MGMT: variants seen among roughly 807,000 people sequenced by gnomAD.
The protein encoded by MGMT is O-6-methylguanine-DNA methyltransferase.
MGMT carries 14 observed loss-of-function variants against 15.9 expected under a neutral mutation model. That is an observed-to-expected ratio of 0.88 (90% confidence interval 0.58 to 1.37). MGMT has a LOEUF of 1.37. MGMT is among the 40% of genes most tolerant of loss of function. The probability of loss-of-function intolerance (pLI) is 0.00; values close to 1 mark genes in which losing one functional copy is unlikely to be tolerated. For synonymous variants in MGMT, 130 were observed against 118.2 expected, an observed-to-expected ratio of 1.10 and a Z score of -0.65; for missense variants, 282 against 268.1, an observed-to-expected ratio of 1.05 and a Z score of -0.36.
chr10:129,524,215 C>T (rs908016846), intron 1 of MGMT, among the ~76,000 whole-genome samples: 2 of 152,356 alleles, frequency 1.3e-5, no homozygotes, highest in African/African-American at 4.8e-5. Flanking sequence ...TACCTCCCGC[C>T]CTCAAGGACG....
At chr10:129,714,050 G>A (rs1178454118) in intron 3 of MGMT, among the ~76,000 whole-genome samples, 1 of 152,232 alleles carries the variant, frequency 6.6e-6, no homozygotes, top group Non-Finnish European at 1.5e-5. Context: ...GTTGAGAGCT[G>A]CTCCAGGTTG....
intron 3 of MGMT, among the ~76,000 whole-genome samples, chr10:129,721,364 C>G (rs12414065): frequency 0.05 from 7,644 of 152,326 alleles, 282 homozygotes; most frequent in South Asian, 0.16. Context: ...TGCATGGTAT[C>G]CCATTGAGTC....
intron 4 of MGMT, among the ~76,000 whole-genome samples, chr10:129,761,888 A>G (rs1158815082): frequency 6.6e-6 from 1 of 152,200 alleles, no homozygotes; most frequent in African/African-American, 2.4e-5. Flanking sequence ...ACCTGTGGCT[A>G]CGGTACCCAC....
intron 2 of MGMT, among the ~76,000 whole-genome samples, chr10:129,617,264 C>A (rs1847038508): frequency 6.6e-6 from 1 of 152,146 alleles, no homozygotes; most frequent in South Asian, 2.1e-4. Flanking sequence ...TGATCTCATT[C>A]TTTTATTATG....
chr10:129,678,561 G>A (rs966938386), intron 2 of MGMT, among the ~76,000 whole-genome samples: 3 of 152,154 alleles, frequency 2.0e-5, no homozygotes, highest in East Asian at 1.9e-4. Flanking sequence ...CTAAACAAGC[G>A]TCTTCCCTGG....
At chr10:129,729,925 C>T (rs1251610428) in intron 3 of MGMT, among the ~76,000 whole-genome samples, 1 of 152,136 alleles carries the variant, frequency 6.6e-6, no homozygotes, top group East Asian at 1.9e-4. Context: ...GTCAGCATTC[C>T]CTGAAACACA....
At position 129,625,349 on chromosome 10, in the gene MGMT, C is replaced by T. The variant is rs1847134460; in HGVS notation, c.126-82546C>T. On this transcript the variant is annotated intron_variant, in intron 2 of 4. Transcript: ENST00000651593. ...AGGAATAGCAGAAGAGAGAATAATT[C>T]CTAGCTTGTTTCATAAGACCAACAC... 2.0e-5 allele frequency among the ~76,000 whole-genome samples: 3 copies of T among 152,110 alleles called. No homozygotes were observed. In the South Asian group the frequency reaches 6.2e-4, roughly 32 times the overall value.
intron 3 of MGMT, chr10:129,717,686 C>T (rs1240068110): frequency 6.6e-6 from 1 of 152,124 alleles, no homozygotes; most frequent in African/African-American, 2.4e-5. Flanking sequence ...CATCTTAGAC[C>T]CACACATGGC....
chr10:129,547,960 C>T (rs1225070308), intron 2 of MGMT, among the ~76,000 whole-genome samples: 4 of 152,200 alleles, frequency 2.6e-5, no homozygotes, highest in Non-Finnish European at 5.9e-5. Context: ...TGAGGTCTCT[C>T]GTCAGCCGAA....
intron 2 of MGMT, among the ~76,000 whole-genome samples, chr10:129,647,272 G>T (rs1218451125): frequency 2.5e-5 from 2 of 80,162 alleles, no homozygotes; most frequent in Non-Finnish European, 4.9e-5. Context: ...GGGCTGCTGT[G>T]TTCAGCAGTA....
chr10:129,484,806 A>G (rs1589830798), intron 1 of MGMT, among the ~76,000 whole-genome samples: 1 of 152,110 alleles, frequency 6.6e-6, no homozygotes, highest in Non-Finnish European at 1.5e-5. Flanking sequence ...TTTTTTAAAA[A>G]AAGGTTTTGT....
chr10:129,510,764 C>T (rs1035232245), intron 1 of MGMT, among the ~76,000 whole-genome samples: 1 of 151,948 alleles, frequency 6.6e-6, no homozygotes, highest in African/African-American at 2.4e-5. Flanking sequence ...ATGGGAACCC[C>T]AGATACCAGA....
rs559440984 is a variant in MGMT, at chr10:129,659,233, C to T, written c.126-48662C>T. On this transcript the variant is annotated intron_variant, in intron 2 of 4. Coordinates refer to ENST00000651593, the MANE Select transcript of MGMT (RefSeq NM_002412.5). This position sits in a 1 kb window ranked among gnomAD's most constrained non-coding sequence, Gnocchi z 4.1. ...TTACCTGGGCATGGTGGTGCACACCCGTAGTCTCAGCTACTCGGGAGGCTG... is the reference window on the plus strand; with the variant it reads ...TTACCTGGGCATGGTGGTGCACACCTGTAGTCTCAGCTACTCGGGAGGCTG... Among the ~76,000 whole-genome samples the T allele has an allele frequency of 2.6e-5, 4 of 152,038 alleles. No homozygotes were observed. The highest frequency in any genetic ancestry group is 4.2e-4 in the South Asian group (2 of 4,812).
At chr10:129,528,533 T>TGGGTGC (rs1845895283) in intron 1 of MGMT, among the ~76,000 whole-genome samples, 1 of 138,338 alleles carries the variant, frequency 7.2e-6, no homozygotes, top group African/African-American at 2.8e-5. Context: ...AGCGGGGGCG[T>TGGGTGC]GGGTGCGATG....
intron 2 of MGMT, among the ~76,000 whole-genome samples, chr10:129,682,258 A>G (rs1271297817): frequency 6.6e-6 from 1 of 152,144 alleles, no homozygotes; most frequent in Non-Finnish European, 1.5e-5. Flanking sequence ...CCTTCCAAAG[A>G]TGAAAGAAAA....
intron 2 of MGMT, among the ~76,000 whole-genome samples, chr10:129,590,522 A>G (rs955880682): frequency 3.9e-5 from 6 of 152,244 alleles, no homozygotes; most frequent in East Asian, 1.9e-4. Flanking sequence ...CTGTTTTGCA[A>G]TGAATAGTTT....
chr10:129,752,262 T>G (rs1848757883), intron 3 of MGMT, among the ~76,000 whole-genome samples: 1 of 152,004 alleles, frequency 6.6e-6, no homozygotes, highest in African/African-American at 2.4e-5. Context: ...TCTGGGAATT[T>G]TATTTGTTCT....
chr10:129,594,641 C>A (rs1383604971), intron 2 of MGMT, among the ~76,000 whole-genome samples: 1 of 152,314 alleles, frequency 6.6e-6, no homozygotes, highest in East Asian at 1.9e-4. Flanking sequence ...TTGTTCCCAT[C>A]AGCTCCAGCG....
chr10:129,720,782 C>T (rs148298476), intron 3 of MGMT, among the ~76,000 whole-genome samples: 4 of 152,268 alleles, frequency 2.6e-5, no homozygotes, highest in African/African-American at 9.6e-5. Flanking sequence ...AAAATGTCAA[C>T]CCATTTTCAG....
Sources: allele counts gnomAD v4.1 joint callset (sites outside exome capture counted in the v4.1 genomes callset), GRCh38; gene constraint gnomAD v4.1.1; non-coding constraint Gnocchi (gnomAD v3.1); transcripts MANE v1.5; gene names NCBI Gene and HGNC (gene_info 2026-07-23, HGNC 2026-07-21).